Variants in GPR158 observed in about 807,000 individuals in gnomAD.
GPR158 encodes the protein metabotropic glycine receptor.
In GPR158, 30 loss-of-function variants were observed where a neutral mutation model predicts 78.2. The ratio of observed to expected loss-of-function variants is 0.38; its 90% CI spans 0.29 to 0.52. The LOEUF (loss-of-function observed/expected upper bound fraction) is 0.52, where lower values mean the gene tolerates loss of function less well. Ranked by LOEUF, GPR158 falls within the 20% of genes least tolerant of loss-of-function variation. The probability of loss-of-function intolerance (pLI) is 0.83; values close to 1 mark genes in which losing one functional copy is unlikely to be tolerated. For missense variants in GPR158, 1,463 were observed against 1,523.5 expected (o/e 0.96, Z 0.66); for synonymous variants, 581 against 591.1 (o/e 0.98, Z 0.25).
chr10:25,292,698 T>A (rs1854457080), intron 2 of GPR158, among the ~76,000 whole-genome samples: 1 of 152,116 alleles, frequency 6.6e-6, no homozygotes, highest in South Asian at 2.1e-4. Context: ...TGTACAAAGT[T>A]GAGCCAAATT....
At chr10:25,433,151 G>T (rs936335718) in intron 4 of GPR158, among the ~76,000 whole-genome samples, 3 of 152,116 alleles carry the variant, frequency 2.0e-5, no homozygotes, top group African/African-American at 7.2e-5. Flanking sequence ...TTATACTCAG[G>T]TCTGTTTGAC....
chr10:25,526,379 A>T (rs1349038522), intron 5 of GPR158, among the ~76,000 whole-genome samples: 1 of 152,136 alleles, frequency 6.6e-6, no homozygotes, highest in Non-Finnish European at 1.5e-5. Context: ...CACTTAAGCA[A>T]AAAGCTGCAA....
chr10:25,281,092 A>G (rs1037772614), intron 2 of GPR158, among the ~76,000 whole-genome samples: 114 of 150,132 alleles, frequency 7.6e-4, no homozygotes, highest in African/African-American at 2.6e-3. Flanking sequence ...CCAAGATTAC[A>G]CCACTATACT....
chr10:25,228,636 A>AT lies in GPR158; in HGVS notation c.1008+7480dup, dbSNP rs530669348. 1.2e-4 allele frequency among the ~76,000 whole-genome samples: 18 copies of AT among 152,324 alleles called. No individual in the cohort carries two copies. In the East Asian group the frequency reaches 3.5e-3, roughly 29 times the overall value. On this transcript the variant is annotated intron_variant, in intron 2 of 10. Coordinates refer to ENST00000376351, the MANE Select transcript of GPR158 (RefSeq NM_020752.3). Reference sequence around the variant, plus strand: ...AGGCTTTCTGGCATGTATGGAGTAGATGAGTAGAGGCTTGGTAAGAAGCAG... The same window carrying AT: ...AGGCTTTCTGGCATGTATGGAGTAGATTGAGTAGAGGCTTGGTAAGAAGCAG...
chr10:25,567,097 A>G (rs1836939962), intron 6 of GPR158, among the ~76,000 whole-genome samples: 1 of 152,078 alleles, frequency 6.6e-6, no homozygotes, highest in Admixed American at 6.5e-5. Flanking sequence ...TTAAGGTAAT[A>G]GGACAGAAGA....
chr10:25,204,862 T>C (rs1185824521), intron 1 of GPR158, among the ~76,000 whole-genome samples: 1 of 144,900 alleles, frequency 6.9e-6, no homozygotes, highest in Admixed American at 6.9e-5. Context: ...TCGGTGGTAA[T>C]GTCCCTGATA....
At chr10:25,410,724 G>A (rs568593807) in intron 3 of GPR158, among the ~76,000 whole-genome samples, 216 of 152,278 alleles carry the variant, frequency 1.4e-3, no homozygotes, top group African/African-American at 5.2e-3. Flanking sequence ...TCATGTCACA[G>A]AGTTATCTGG....
At chr10:25,347,425 G>GT (rs928496337) in intron 2 of GPR158, among the ~76,000 whole-genome samples, 10 of 152,104 alleles carry the variant, frequency 6.6e-5, no homozygotes, top group East Asian at 1.9e-4. Context: ...TCTGTCAACT[G>GT]TTTTTTACCA....
intron 2 of GPR158, among the ~76,000 whole-genome samples, chr10:25,301,081 A>G (rs912317130): frequency 2.0e-5 from 3 of 152,184 alleles, no homozygotes; most frequent in Admixed American, 6.5e-5. Context: ...CATAAGCTTT[A>G]TGTGATAACT....
chr10:25,481,430 T>C (rs958495214), intron 5 of GPR158, among the ~76,000 whole-genome samples: 1 of 152,152 alleles, frequency 6.6e-6, no homozygotes, highest in Non-Finnish European at 1.5e-5. Flanking sequence ...GATATCTGGA[T>C]TGACCACCTT....
At chr10:25,406,804 A>T (rs1834522199) in intron 3 of GPR158, among the ~76,000 whole-genome samples, 1 of 152,178 alleles carries the variant, frequency 6.6e-6, no homozygotes, top group African/African-American at 2.4e-5. Context: ...TGTGATAGTC[A>T]TGAAGTCTTT....
intron 1 of GPR158, among the ~76,000 whole-genome samples, chr10:25,179,990 C>T (rs987266938): frequency 6.6e-6 from 1 of 152,108 alleles, no homozygotes; most frequent in Non-Finnish European, 1.5e-5. Flanking sequence ...ATAGATAGCT[C>T]TCTGGTGGTG....
chr10:25,190,009 C>G (rs1335938562), intron 1 of GPR158, among the ~76,000 whole-genome samples: 5 of 151,768 alleles, frequency 3.3e-5, no homozygotes, highest in Non-Finnish European at 7.4e-5. Context: ...GGAATATTGC[C>G]TTATTTTTAC....
intron 2 of GPR158, among the ~76,000 whole-genome samples, chr10:25,238,505 TTTTAA>T (rs2130703321): frequency 6.6e-6 from 1 of 152,328 alleles, no homozygotes; most frequent in South Asian, 2.1e-4. Flanking sequence ...CAAGGTGTGT[TTTTAA>T]TTTAAACTAG....
intron 5 of GPR158, among the ~76,000 whole-genome samples, chr10:25,485,063 A>C (rs778132878): frequency 6.6e-6 from 1 of 152,140 alleles, no homozygotes; most frequent in African/African-American, 2.4e-5. Context: ...CTGACCTAAG[A>C]ATATGCGAAA....
chr10:25,274,761 C>T (rs77642521), intron 2 of GPR158, among the ~76,000 whole-genome samples: 3 of 152,042 alleles, frequency 2.0e-5, no homozygotes, highest in Admixed American at 6.6e-5. Context: ...TTCTAACAAG[C>T]GTTAAAAAAA....
intron 7 of GPR158, among the ~76,000 whole-genome samples, chr10:25,578,736 G>A (rs375351374): frequency 7.2e-5 from 11 of 152,186 alleles, no homozygotes; most frequent in South Asian, 2.1e-4. Context: ...GGCCTGGCAC[G>A]GTGGCTCACA....
At chr10:25,523,942 C>A (rs1836317993) in intron 5 of GPR158, among the ~76,000 whole-genome samples, 1 of 151,442 alleles carries the variant, frequency 6.6e-6, no homozygotes, top group Non-Finnish European at 1.5e-5. Context: ...CTAAGGAATG[C>A]ACAAAAAAAA....
At chr10:25,412,135 G>T in intron 3 of GPR158, 115 bp from the exon 4 acceptor site, 2 of 724,832 alleles carry the variant, frequency 2.8e-6, no homozygotes. Flanking sequence ...GTTGACAAAA[G>T]GTCTTTAATA....
Sources: allele counts gnomAD v4.1 joint callset (sites outside exome capture counted in the v4.1 genomes callset), GRCh38; gene constraint gnomAD v4.1.1; transcripts MANE v1.5; gene names NCBI Gene and HGNC (gene_info 2026-07-23, HGNC 2026-07-21).